The following LRP1B variants were observed in gnomAD, a reference collection of about 807,000 sequenced individuals.
LRP1B encodes the protein low-density lipoprotein receptor-related protein 1B.
A neutral mutation model predicts 556.6 loss-of-function variants in LRP1B; 217 were observed. That is an observed-to-expected ratio of 0.39 (90% CI 0.35 to 0.44). The LOEUF (loss-of-function observed/expected upper bound fraction) is 0.44. LRP1B is among the 20% of genes least tolerant of loss of function. LRP1B has a pLI of 1.00. For missense variants in LRP1B, 5,053 were observed against 5,620.8 expected (o/e 0.90, Z 3.23); for synonymous variants, 2,047 against 1,865.8 (o/e 1.10, Z -2.50).
chr2:140,481,715 T>A (rs900195157), intron 59 of LRP1B, among the ~76,000 whole-genome samples: 5 of 151,834 alleles, frequency 3.3e-5, no homozygotes, highest in Admixed American at 6.6e-5. Context: ...TGGGGACAAC[T>A]CCTCTACCTG....
intron 2 of LRP1B, among the ~76,000 whole-genome samples, chr2:141,743,504 T>TTTTTTTTTTTTC (rs1558844246): frequency 1.6e-4 from 13 of 79,008 alleles, no homozygotes; most frequent in South Asian, 4.3e-4. Flanking sequence ...TTTTTTTCTT[T>TTTTTTTTTTTTC]TTTTTTTTTT....
intron 86 of LRP1B, 75 bp downstream of exon 86, chr2:140,270,167 A>T (rs1395989944): frequency 3.5e-5 from 36 of 1,025,680 alleles, no homozygotes; most frequent in Non-Finnish European, 5.4e-5. Flanking sequence ...CCAGAAAAGG[A>T]GAATAATAGA....
At chr2:140,530,496 A>G (rs926612086) in intron 47 of LRP1B, among the ~76,000 whole-genome samples, 1 of 152,126 alleles carries the variant, frequency 6.6e-6, no homozygotes, top group African/African-American at 2.4e-5. Flanking sequence ...GACCCAGGGA[A>G]GTCTTCCTTC....
intron 6 of LRP1B, among the ~76,000 whole-genome samples, chr2:141,213,930 A>G (rs1682674490): frequency 6.6e-6 from 1 of 152,158 alleles, no homozygotes; most frequent in South Asian, 2.1e-4. Flanking sequence ...ATCCTCCTAT[A>G]TATTTTAAGT....
chr2:141,735,141 GT>G (rs1693416007), intron 2 of LRP1B, among the ~76,000 whole-genome samples: 1 of 52,726 alleles, frequency 1.9e-5, no homozygotes, highest in African/African-American at 6.4e-5. Context: ...GTTTCATTTT[GT>G]TTTTTGTTTG....
At chr2:141,487,802 A>C (rs1332800374) in intron 2 of LRP1B, among the ~76,000 whole-genome samples, 1 of 152,170 alleles carries the variant, frequency 6.6e-6, no homozygotes, top group Admixed American at 6.5e-5. Context: ...TTTGTGAAAA[A>C]CAGCATAATA....
At chr2:141,611,772 G>A (rs1046813058) in intron 2 of LRP1B, among the ~76,000 whole-genome samples, 1 of 152,190 alleles carries the variant, frequency 6.6e-6, no homozygotes, top group Admixed American at 6.5e-5. Context: ...AGCGTTCTGG[G>A]AAACGTTTTC....
intron 2 of LRP1B, among the ~76,000 whole-genome samples, chr2:141,631,905 G>T (rs117737830): frequency 1.3e-5 from 2 of 151,950 alleles, no homozygotes; most frequent in South Asian, 4.2e-4. Flanking sequence ...AAATTTTACC[G>T]ATTTTTCATT....
At chr2:140,660,961 A>G (rs1685070977) in intron 41 of LRP1B, among the ~76,000 whole-genome samples, 1 of 151,460 alleles carries the variant, frequency 6.6e-6, no homozygotes, top group African/African-American at 2.4e-5. Flanking sequence ...TCTTAATATT[A>G]TTAATAATCA....
At chr2:141,700,930 T>C (rs1453402322) in intron 2 of LRP1B, among the ~76,000 whole-genome samples, 1 of 151,874 alleles carries the variant, frequency 6.6e-6, no homozygotes, top group Non-Finnish European at 1.5e-5. Context: ...GATGTCCCCA[T>C]ATTTATTAAG....
At chr2:140,963,132 T>A (rs1288891918) in intron 18 of LRP1B, among the ~76,000 whole-genome samples, 1 of 152,128 alleles carries the variant, frequency 6.6e-6, no homozygotes. Flanking sequence ...AAACCCCAAC[T>A]TGGCATGATA....
At chr2:142,066,673 TCTA>T (rs1174925769) in intron 1 of LRP1B, among the ~76,000 whole-genome samples, 1 of 151,546 alleles carries the variant, frequency 6.6e-6, no homozygotes, top group Non-Finnish European at 1.5e-5. Context: ...CTTCCGTATT[TCTA>T]CTAATAGTCT....
At chr2:140,997,309 G>T (rs1332978721) in intron 15 of LRP1B, among the ~76,000 whole-genome samples, 1 of 151,900 alleles carries the variant, frequency 6.6e-6, no homozygotes, top group Non-Finnish European at 1.5e-5. Flanking sequence ...TTTTTCTTTG[G>T]CAAAAACTGG....
chr2:140,650,002 A>T (rs950900118), intron 41 of LRP1B, among the ~76,000 whole-genome samples: 2 of 152,202 alleles, frequency 1.3e-5, no homozygotes, highest in African/African-American at 4.8e-5. Flanking sequence ...TTGTAAACAA[A>T]GTTTAAATTT....
At chr2:140,576,325 C>T (rs948130541) in intron 43 of LRP1B, among the ~76,000 whole-genome samples, 3 of 152,136 alleles carry the variant, frequency 2.0e-5, no homozygotes, top group Admixed American at 1.3e-4. Flanking sequence ...TTCCTACTTC[C>T]TTTGGGAAAG....
At chr2:141,661,508 C>A (rs1402652062) in intron 2 of LRP1B, among the ~76,000 whole-genome samples, 1 of 152,240 alleles carries the variant, frequency 6.6e-6, no homozygotes. Context: ...ACTTGAAAAA[C>A]ACAACACGAG....
At chr2:141,081,052 T>G (rs1006545659) in intron 7 of LRP1B, among the ~76,000 whole-genome samples, 2 of 152,186 alleles carry the variant, frequency 1.3e-5, no homozygotes, top group African/African-American at 4.8e-5. Context: ...AGGCCAGTTG[T>G]GAACTCTGGA....
intron 66 of LRP1B, among the ~76,000 whole-genome samples, chr2:140,393,116 T>A (rs1684096666): frequency 6.6e-6 from 1 of 150,880 alleles, no homozygotes; most frequent in East Asian, 1.9e-4. Flanking sequence ...TTATTTTTTG[T>A]AGAGATGGAG....
chr2:141,500,070 G>T (rs1342097892), intron 2 of LRP1B, among the ~76,000 whole-genome samples: 1 of 152,088 alleles, frequency 6.6e-6, no homozygotes, highest in Non-Finnish European at 1.5e-5. Flanking sequence ...CTTTGTGAAG[G>T]TGTTTCTGCT....
Sources: allele counts gnomAD v4.1 joint callset (sites outside exome capture counted in the v4.1 genomes callset), GRCh38; gene constraint gnomAD v4.1.1; transcripts MANE v1.5; gene names NCBI Gene and HGNC (gene_info 2026-07-23, HGNC 2026-07-21).